The following GRIN1 variants were observed in gnomAD, a reference collection of about 807,000 sequenced individuals.
GRIN1 encodes the protein glutamate receptor ionotropic, NMDA 1.
GRIN1 carries 38 observed loss-of-function variants against 103.0 expected under a neutral mutation model. That is an observed-to-expected ratio of 0.37 (90% CI 0.28 to 0.48). The LOEUF is 0.48. Ranked by LOEUF, GRIN1 falls within the 20% of genes least tolerant of loss-of-function variation. GRIN1 has a pLI of 0.98. For synonymous variants in GRIN1, 544 were observed against 532.7 expected (o/e 1.02, Z -0.29); for missense variants, 577 against 1,288.9 (o/e 0.45, Z 8.46).
chr9:137,147,617 C>T (rs1040294057), intron 3 of GRIN1, among the ~76,000 whole-genome samples: 36 of 152,066 alleles, frequency 2.4e-4, no homozygotes, highest in African/African-American at 8.2e-4. Flanking sequence ...CCCCTGCAGG[C>T]GCACATAACG....
chr9:137,154,802 C>G (rs1226886215), intron 4 of GRIN1, among the ~76,000 whole-genome samples: 1 of 152,292 alleles, frequency 6.6e-6, no homozygotes, highest in East Asian at 1.9e-4. Flanking sequence ...GGAAAGGACC[C>G]TCCTCTCACA....
At position 137,162,754 on chromosome 9, in the gene GRIN1, GGCTGGGGGAGGGAATGCGAGGTGA is replaced by G; in HGVS notation, c.2013+23_2013+46del. Reference sequence around the variant, plus strand: ...ACGACCCTCGGGTGAGGCCTGGCCGGGCTGGGGGAGGGAATGCGAGGTGAGCTGGGGTCGGCCTCGGTTAGGGGC... The same window carrying G: ...ACGACCCTCGGGTGAGGCCTGGCCGGGCTGGGGTCGGCCTCGGTTAGGGGC... On this transcript the variant is annotated intron_variant, in intron 14 of 19. Coordinates refer to ENST00000371561, the MANE Select transcript of GRIN1 (RefSeq NM_007327.4). The G allele has an allele frequency of 6.2e-7, 1 of 1,602,022 alleles. No homozygotes were observed. The highest frequency in any genetic ancestry group is 8.5e-7 in the Non-Finnish European group (1 of 1,175,070).
chr9:137,145,977 G>T (rs1340825748), intron 3 of GRIN1, 75 bp downstream of exon 3: 9 of 1,064,626 alleles, frequency 8.5e-6, no homozygotes, highest in East Asian at 2.6e-5. Flanking sequence ...CTGTGGCTCC[G>T]TGTGTGACAC....
chr9:137,161,517 G>A, intron 10 of GRIN1, 101 bp downstream of exon 10: 1 of 1,171,042 alleles, frequency 8.5e-7, no homozygotes, highest in Non-Finnish European at 1.2e-6. Flanking sequence ...GATGGTGGGG[G>A]GTCCTGGGGT....
At chr9:137,165,483 G>C (rs528059294) in intron 19 of GRIN1, 187 bp downstream of exon 19, 12 of 633,812 alleles carry the variant, frequency 1.9e-5, no homozygotes, top group Non-Finnish European at 3.2e-5. Flanking sequence ...CTTTCTCCCC[G>C]GCCCTCCTGG....
At chr9:137,162,113 T>TGGGGGGG in intron 11 of GRIN1, 25 bp downstream of exon 11, 1 of 301,230 alleles carries the variant, frequency 3.3e-6, no homozygotes, top group Non-Finnish European at 6.2e-6. Flanking sequence ...GGTGGCGGGG[T>TGGGGGGG]GGCGGCGGGG....
chr9:137,167,968 C>A lies in GRIN1; in HGVS notation c.*441C>A. The A allele has an allele frequency of 1.2e-6, 1 of 847,274 alleles. No individual in the cohort carries two copies. Among genetic ancestry groups the A allele is most frequent in the Non-Finnish European group, 1.9e-6 (1 of 521,510 alleles). 52.5% of individuals were successfully genotyped at this position (847,274 alleles called of 1,614,324 possible). A position where few individuals can be genotyped will look rare whatever the true frequency, so the allele number is the denominator to read the frequency against. On this transcript the variant is annotated 3_prime_UTR_variant, in exon 20 of 20. Coordinates refer to ENST00000371561, the MANE Select transcript of GRIN1 (RefSeq NM_007327.4). ...TGCCCACCCTGGGCCTCCCGTCCGT[C>A]CGCCCGCCCACCCCGCTGCCTGGCG...
Position 137,145,722 on chromosome 9 carries a change from G to C in GRIN1, c.394-4G>C. 1.9e-6 allele frequency: 3 copies of C among 1,612,222 alleles called. No homozygotes were observed. Among genetic ancestry groups the C allele is most frequent in the Non-Finnish European group, 2.5e-6 (3 of 1,179,120 alleles). On this transcript the variant is annotated splice_polypyrimidine_tract_variant and splice_region_variant and intron_variant, in intron 2 of 19. Coordinates refer to ENST00000371561, the MANE Select transcript of GRIN1 (RefSeq NM_007327.4). ...TCAGCCCGCCGTGCCCCCGCCTCCCGCAGAGCATCCACCTGAGCTTCCTGC... is the reference window on the plus strand; with the variant it reads ...TCAGCCCGCCGTGCCCCCGCCTCCCCCAGAGCATCCACCTGAGCTTCCTGC...
chr9:137,161,246 G>A, intron 9 of GRIN1, 43 bp from the exon 10 acceptor site: 3 of 1,610,754 alleles, frequency 1.9e-6, no homozygotes, highest in Non-Finnish European at 2.5e-6. Context: ...CGCGGGGCGT[G>A]GGGCGGTCTG....
At chr9:137,141,842 G>T (rs1832180550) in intron 1 of GRIN1, among the ~76,000 whole-genome samples, 171 bp from the exon 2 acceptor site, 1 of 152,124 alleles carries the variant, frequency 6.6e-6, no homozygotes, top group Non-Finnish European at 1.5e-5. Context: ...TCCCTCCCCT[G>T]CCCTGTGGGC....
intron 4 of GRIN1, among the ~76,000 whole-genome samples, chr9:137,153,248 C>G (rs1244385823): frequency 6.6e-6 from 1 of 151,620 alleles, no homozygotes; most frequent in African/African-American, 2.4e-5. Flanking sequence ...CACGTGTACA[C>G]ACATGCACCA....
Position 137,167,718 on chromosome 9 carries a change from G to T in GRIN1, c.*191G>T. On this transcript the variant is annotated 3_prime_UTR_variant, in exon 20 of 20. Coordinates refer to ENST00000371561, the MANE Select transcript of GRIN1 (RefSeq NM_007327.4). The stretch of plus-strand genomic sequence containing the variant: ...CCGGTCCACCCCGTCCCGGCCCCGC[G>T]CGTGCCCCCAGCGTGGGGCTAACGG... 6.2e-7 allele frequency: 1 copy of T among 1,608,738 alleles called. No individual in the cohort carries two copies. The highest frequency in any genetic ancestry group is 8.5e-7 in the Non-Finnish European group (1 of 1,177,788).
rs1237418901 is a variant in GRIN1, at chr9:137,168,576, G to C, written c.*1049G>C. ...CCCGCCCGCCCCCGCCCTCGCTCCG[G>C]GTGCGTGACCGGCCCGCCACCTTGT... On this transcript the variant is annotated 3_prime_UTR_variant, in exon 20 of 20. Transcript: ENST00000371561. 3.4e-6 allele frequency: 1 copy of C among 297,072 alleles called. No individual in the cohort carries two copies. Among genetic ancestry groups the C allele is most frequent in the Non-Finnish European group, 6.1e-6 (1 of 162,796 alleles). 18.4% of individuals were successfully genotyped at this position (297,072 alleles called of 1,614,324 possible). A position where few individuals can be genotyped will look rare whatever the true frequency, so the allele number is the denominator to read the frequency against.
At chr9:137,166,787 A>T (rs1351890916) in intron 19 of GRIN1, among the ~76,000 whole-genome samples, 1 of 152,258 alleles carries the variant, frequency 6.6e-6, no homozygotes, top group Non-Finnish European at 1.5e-5. Flanking sequence ...TGATGCTGCA[A>T]AGTCTGAGCC....
chr9:137,167,358 TC>T, intron 19 of GRIN1, 52 bp from the exon 20 acceptor site: 1 of 1,376,918 alleles, frequency 7.3e-7, no homozygotes. Context: ...AGGGCTGGGG[TC>T]CCTGGCGGCC....
At chr9:137,147,066 T>C (rs1832584222) in intron 3 of GRIN1, among the ~76,000 whole-genome samples, 1 of 48,908 alleles carries the variant, frequency 2.0e-5, no homozygotes, top group Non-Finnish European at 4.0e-5. Flanking sequence ...GACAGGCCCC[T>C]CACCCCAGCG....
intron 3 of GRIN1, chr9:137,148,012 T>C: frequency 1.9e-5 from 9 of 470,518 alleles, no homozygotes; most frequent in South Asian, 1.1e-4. Flanking sequence ...GCCCCGGGCC[T>C]CGGTGTTTGC....
chr9:137,167,541 C>T lies in GRIN1; in HGVS notation c.*14C>T, dbSNP rs1225218254. ...AGGGAGAGCTGAGACTCCCCGCCCG[C>T]CCTCCTCTGCCCCCTCCCCCGCAGA... On this transcript the variant is annotated 3_prime_UTR_variant, in exon 20 of 20. Coordinates refer to ENST00000371561, the MANE Select transcript of GRIN1 (RefSeq NM_007327.4). 26 of 1,534,972 alleles carry T rather than the reference C, an allele frequency of 1.7e-5. No homozygotes were observed. Among genetic ancestry groups the T allele is most frequent in the Admixed American group, 3.9e-5 (2 of 51,300 alleles).
intron 2 of GRIN1, among the ~76,000 whole-genome samples, chr9:137,145,505 C>G (rs1342053350): frequency 8.6e-5 from 7 of 81,382 alleles, no homozygotes; most frequent in African/African-American, 1.7e-4. Context: ...GTGGGAGACA[C>G]GAGGGGGTCC....
Sources: allele counts gnomAD v4.1 joint callset (sites outside exome capture counted in the v4.1 genomes callset), GRCh38; gene constraint gnomAD v4.1.1; transcripts MANE v1.5; gene names NCBI Gene and HGNC (gene_info 2026-07-23, HGNC 2026-07-21).